The following KIAA1217 variants were observed in gnomAD, a reference collection of about 807,000 sequenced individuals.
KIAA1217 encodes the protein sickle tail protein homolog.
Under a neutral mutation model 163.9 loss-of-function variants are expected in KIAA1217, and 88 were observed. That is an observed-to-expected ratio of 0.54 (90% CI 0.45 to 0.64). KIAA1217 has a LOEUF of 0.64. Among genes scored for constraint, KIAA1217 ranks in the 30% least tolerant of loss-of-function variants. KIAA1217 has a pLI of 0.00. For missense variants in KIAA1217, 2,372 were observed against 2,475.0 expected (o/e 0.96, Z 0.88); for synonymous variants, 903 against 923.1 (o/e 0.98, Z 0.39).
intron 1 of KIAA1217, among the ~76,000 whole-genome samples, chr10:23,911,774 G>A (rs745424058): frequency 6.6e-5 from 10 of 152,148 alleles, no homozygotes; most frequent in Non-Finnish European, 8.8e-5. Flanking sequence ...CCGAGGACAT[G>A]TGATGCCTTC....
chr10:23,898,318 CA>C (rs1194368312), intron 1 of KIAA1217, among the ~76,000 whole-genome samples: 1 of 151,638 alleles, frequency 6.6e-6, no homozygotes, highest in African/African-American at 2.4e-5. Flanking sequence ...CACACACACA[CA>C]CACACACATA....
chr10:24,298,355 AG>A (rs988202031), intron 2 of KIAA1217, among the ~76,000 whole-genome samples: 49 of 152,234 alleles, frequency 3.2e-4, no homozygotes, highest in African/African-American at 1.1e-3. Flanking sequence ...TGACTAAGCA[AG>A]TTTTAAAATA....
chr10:23,707,418 G>C (rs1007221686), intron 1 of KIAA1217, among the ~76,000 whole-genome samples: 2 of 152,164 alleles, frequency 1.3e-5, no homozygotes, highest in Admixed American at 1.3e-4. Flanking sequence ...ATTATCCTCA[G>C]AGCAGTGTGT....
At position 24,284,666 on chromosome 10, in the gene KIAA1217, T is replaced by C. The variant is rs538567533; in HGVS notation, c.354+64757T>C. Among the ~76,000 whole-genome samples the C allele has an allele frequency of 2.0e-5, 3 of 152,304 alleles. No homozygotes were observed. In the East Asian group the frequency reaches 5.8e-4, roughly 29 times the overall value. On this transcript the variant is annotated intron_variant, in intron 2 of 20. Transcript: ENST00000376454. ...AGGTTGATTCCATGTCTTTGCTGAG[T>C]TCTGTGTCTTTGTCAATAGTGTTGC...
chr10:24,386,549 C>A (rs2054028447), intron 3 of KIAA1217, among the ~76,000 whole-genome samples: 2 of 146,394 alleles, frequency 1.4e-5, no homozygotes, highest in Non-Finnish European at 3.0e-5. Context: ...CTTGAATATT[C>A]AAAAATAAAT....
chr10:24,138,749 T>C (rs1223358992), intron 2 of KIAA1217, among the ~76,000 whole-genome samples: 1 of 152,058 alleles, frequency 6.6e-6, no homozygotes, highest in Non-Finnish European at 1.5e-5. Flanking sequence ...CTGATCAAAA[T>C]TGTAATTACA....
intron 2 of KIAA1217, among the ~76,000 whole-genome samples, chr10:24,113,333 C>T (rs1174486682): frequency 6.6e-6 from 1 of 152,142 alleles, no homozygotes; most frequent in African/African-American, 2.4e-5. Flanking sequence ...TCCTGGTAAG[C>T]AACAGCTCAG....
chr10:24,068,162 T>C (rs1430630055), intron 2 of KIAA1217, among the ~76,000 whole-genome samples: 1 of 152,180 alleles, frequency 6.6e-6, no homozygotes, highest in African/African-American at 2.4e-5. Flanking sequence ...GCACCCACTG[T>C]CCGGCACTCC....
chr10:24,087,562 G>A (rs1186601917), intron 2 of KIAA1217, among the ~76,000 whole-genome samples: 1 of 152,176 alleles, frequency 6.6e-6, no homozygotes, highest in Non-Finnish European at 1.5e-5. Context: ...ATAAATGCTT[G>A]AGTTAACTGA....
At chr10:24,110,291 GT>G (rs1055458572) in intron 2 of KIAA1217, among the ~76,000 whole-genome samples, 4 of 152,238 alleles carry the variant, frequency 2.6e-5, no homozygotes, top group African/African-American at 9.6e-5. Flanking sequence ...TATGAGAGAA[GT>G]ATTATTAAAA....
chr10:24,099,854 C>T (rs536502248), intron 2 of KIAA1217, among the ~76,000 whole-genome samples: 1 of 148,160 alleles, frequency 6.7e-6, no homozygotes. Context: ...GTTTTTTTGT[C>T]CTTGCGACAC....
intron 2 of KIAA1217, among the ~76,000 whole-genome samples, chr10:24,375,929 A>C (rs2052421132): frequency 1.3e-5 from 2 of 152,226 alleles, no homozygotes; most frequent in East Asian, 1.9e-4. Flanking sequence ...TTAGGGTTTA[A>C]GGGTCTGAAA....
chr10:24,075,606 C>CTTTT (rs1275191864), intron 2 of KIAA1217, among the ~76,000 whole-genome samples: 1 of 138,060 alleles, frequency 7.2e-6, no homozygotes, highest in Non-Finnish European at 1.6e-5. Context: ...AGCATTTTAT[C>CTTTT]TTTTTTTTTT....
intron 3 of KIAA1217, among the ~76,000 whole-genome samples, chr10:24,399,488 A>G (rs569648997): frequency 1.3e-5 from 2 of 152,338 alleles, no homozygotes; most frequent in South Asian, 4.1e-4. Flanking sequence ...TAGATTGGTC[A>G]GCTGAATTCT....
intron 1 of KIAA1217, among the ~76,000 whole-genome samples, chr10:23,940,600 A>G (rs1185208889): frequency 6.6e-6 from 1 of 152,246 alleles, no homozygotes; most frequent in African/African-American, 2.4e-5. Flanking sequence ...CCTAAGGAAC[A>G]TGTATAAACA....
chr10:23,771,707 G>A (rs1213786631), intron 1 of KIAA1217, among the ~76,000 whole-genome samples: 1 of 152,164 alleles, frequency 6.6e-6, no homozygotes, highest in African/African-American at 2.4e-5. Flanking sequence ...CCTCAGAAGG[G>A]GAAAGAACAT....
Position 24,513,391 on chromosome 10 carries a change from C to T in KIAA1217, c.2134C>T (p.Gln712Ter). 1 of 1,614,058 alleles carries T rather than the reference C, an allele frequency of 6.2e-7. No homozygotes were observed. Among genetic ancestry groups the T allele is most frequent in the Non-Finnish European group, 8.5e-7 (1 of 1,179,996 alleles). The change falls in exon 10 of 21, where the codon CAA becomes TAA. Residue 712 changes from glutamine (Q) to a stop codon, truncating the protein, a stop_gained. Coordinates refer to ENST00000376454, the MANE Select transcript of KIAA1217 (RefSeq NM_019590.5). LOFTEE classifies it high-confidence loss of function. ...RQRVLVEQERQKYLHEEEKIV... is the reference protein window; with the variant it reads ...RQRVLVEQER Reference sequence around the variant, plus strand: ...GCGCGTCCTAGTGGAGCAAGAGAGACAAAAATATCTTCATGAGGAAGAGAA... The same window carrying T: ...GCGCGTCCTAGTGGAGCAAGAGAGATAAAAATATCTTCATGAGGAAGAGAA...
At chr10:24,520,377 A>G in intron 11 of KIAA1217, 124 bp downstream of exon 11, 1 of 1,349,254 alleles carries the variant, frequency 7.4e-7, no homozygotes, top group Non-Finnish European at 1.0e-6. Context: ...TGTGCCAGGC[A>G]TTGTTCTGGA....
At chr10:23,694,746 G>A (rs1389910022) in exon 1 of KIAA1217, 1 of 152,650 alleles carries the variant, frequency 6.6e-6, no homozygotes, top group African/African-American at 2.4e-5. Flanking sequence ...GAGAGCGGCT[G>A]GAGAGGGCTG....
Sources: allele counts gnomAD v4.1 joint callset (sites outside exome capture counted in the v4.1 genomes callset), GRCh38; gene constraint gnomAD v4.1.1; transcripts MANE v1.5; gene names NCBI Gene and HGNC (gene_info 2026-07-23, HGNC 2026-07-21).